Variants in NHERF2 observed in about 807,000 individuals in gnomAD.
The protein encoded by NHERF2 is NHERF family PDZ scaffold protein 2.
the NHERF2 span, among the ~76,000 whole-genome samples, chr16:2,035,235 C>A: frequency 6.6e-6 from 1 of 152,144 alleles, no homozygotes; most frequent in Non-Finnish European, 1.5e-5. Flanking sequence ...CCCCTTGCTC[C>A]CTTGGCGGGG....
chr16:2,035,815 G>A, the NHERF2 span: 5 of 421,368 alleles, frequency 1.2e-5, no homozygotes, highest in East Asian at 6.4e-4. Context: ...ACGGGGGTGG[G>A]GCGGCTCATT....
At chr16:2,036,103 C>T in the NHERF2 span, 350 of 519,538 alleles carry the variant, frequency 6.7e-4, 1 homozygote, top group African/African-American at 2.5e-3. Flanking sequence ...CGGCTGGGCC[C>T]GTCGGGGAGG....
At chr16:2,029,979 G>C in the NHERF2 span, among the ~76,000 whole-genome samples, 1 of 152,198 alleles carries the variant, frequency 6.6e-6, no homozygotes, top group Non-Finnish European at 1.5e-5. Context: ...GTTTTAAACT[G>C]GGTAGGGTCA....
chr16:2,035,091 A>G, the NHERF2 span, among the ~76,000 whole-genome samples: 2 of 152,028 alleles, frequency 1.3e-5, no homozygotes, highest in Non-Finnish European at 2.9e-5. Flanking sequence ...GGTGGTGGCC[A>G]TGCAGAGAGG....
At chr16:2,035,110 G>C in the NHERF2 span, among the ~76,000 whole-genome samples, 1 of 152,158 alleles carries the variant, frequency 6.6e-6, no homozygotes, top group Non-Finnish European at 1.5e-5. Flanking sequence ...GGGTTCAGAG[G>C]GTGGGCAGGA....
the NHERF2 span, among the ~76,000 whole-genome samples, chr16:2,031,293 T>TG: frequency 3.3e-5 from 5 of 151,956 alleles, no homozygotes; most frequent in African/African-American, 9.7e-5. Flanking sequence ...CCAGGGCTGG[T>TG]GGGGGGGCTG....
chr16:2,027,059 G>A, the NHERF2 span: 1 of 1,413,436 alleles, frequency 7.1e-7, no homozygotes, highest in East Asian at 3.2e-5. Context: ...TGCGCGGAGA[G>A]CAGGGCTACG....
chr16:2,033,891 T>C, the NHERF2 span, among the ~76,000 whole-genome samples: 11 of 152,234 alleles, frequency 7.2e-5, no homozygotes, highest in Admixed American at 3.3e-4. Flanking sequence ...CCTGAGGTTT[T>C]AGTGCTGTGC....
chr16:2,037,907 G>T, the NHERF2 span: 2 of 1,611,596 alleles, frequency 1.2e-6, no homozygotes, highest in Non-Finnish European at 1.7e-6. Context: ...CAAGGAGAAG[G>T]CTCGAGCCAT....
chr16:2,036,069 A>C, the NHERF2 span: 1 of 499,092 alleles, frequency 2.0e-6, no homozygotes, highest in East Asian at 3.2e-5. Flanking sequence ...GAGCCAAAGG[A>C]ATTCTCCCAG....
At chr16:2,029,812 C>T in the NHERF2 span, 4 of 1,526,904 alleles carry the variant, frequency 2.6e-6, no homozygotes, top group Middle Eastern at 3.5e-4. Context: ...CAGGGACCAC[C>T]CTAGCCTCTC....
At chr16:2,032,995 G>A in the NHERF2 span, 2 of 1,144,216 alleles carry the variant, frequency 1.7e-6, no homozygotes, top group Non-Finnish European at 1.1e-6. This position sits in a 1 kb window ranked among gnomAD's most constrained non-coding sequence, Gnocchi z 4.0. Context: ...GGGCTTCCCT[G>A]GCTCTTGCTC....
the NHERF2 span, chr16:2,029,703 T>TGCCCCCCC: frequency 6.6e-7 from 1 of 1,509,478 alleles, no homozygotes; most frequent in Non-Finnish European, 9.0e-7. Flanking sequence ...CAGCGAGGGC[T>TGCCCCCCC]CCCACCCGCC....
At chr16:2,029,831 T>C in the NHERF2 span, 7 of 1,480,214 alleles carry the variant, frequency 4.7e-6, no homozygotes, top group South Asian at 2.4e-5. Flanking sequence ...TCCCAGAGGC[T>C]CTCTCAGCTT....
chr16:2,035,590 ACCG>A, the NHERF2 span: 108 of 986,720 alleles, frequency 1.1e-4, no homozygotes, highest in Non-Finnish European at 1.3e-4. Context: ...GCCGCTGGCC[ACCG>A]CCGCCGCACC....
At chr16:2,033,107 C>G in the NHERF2 span, 1 of 985,214 alleles carries the variant, frequency 1.0e-6, no homozygotes, top group Non-Finnish European at 1.2e-6. Context: ...CCAGCAGCTT[C>G]CTTCCTTCCT....
At chr16:2,037,680 C>G in the NHERF2 span, 1 of 1,566,490 alleles carries the variant, frequency 6.4e-7, no homozygotes, top group Non-Finnish European at 8.7e-7. Context: ...GATGTCAGCC[C>G]GGGCAGTGGG....
At chr16:2,032,960 G>A in the NHERF2 span, 23 of 1,096,146 alleles carry the variant, frequency 2.1e-5, no homozygotes, top group Non-Finnish European at 2.5e-5. This position sits in a 1 kb window ranked among gnomAD's most constrained non-coding sequence, Gnocchi z 4.0. Context: ...TGTGTGGTTG[G>A]GGCGCGGTGC....
At chr16:2,030,862 A>T in the NHERF2 span, among the ~76,000 whole-genome samples, 3 of 150,428 alleles carry the variant, frequency 2.0e-5, no homozygotes, top group African/African-American at 7.3e-5. Context: ...AGTCGCTTGA[A>T]CCCGGCAGGC....
Sources: gnomAD v4.1 joint callset for allele counts (sites outside exome capture counted in the v4.1 genomes callset) on GRCh38, gnomAD v4.1.1 for gene constraint, Gnocchi (gnomAD v3.1) non-coding constraint, MANE v1.5 for transcripts, NCBI Gene and HGNC (gene_info 2026-07-23, HGNC 2026-07-21) for gene names.